The following LCA5L variants were observed in gnomAD, a reference collection of about 807,000 sequenced individuals.
LCA5L encodes the protein lebercilin-like protein.
In LCA5L, 35 loss-of-function variants were observed where a neutral mutation model predicts 45.4. The observed-to-expected ratio is 0.77, with a 90% confidence interval of 0.59 to 1.02. The LOEUF (loss-of-function observed/expected upper bound fraction) is 1.02. Ranked by LOEUF, LCA5L falls within the 50% of genes least tolerant of loss-of-function variation. LCA5L has a pLI of 0.00. For synonymous variants in LCA5L, 233 were observed against 264.7 expected, an observed-to-expected ratio of 0.88 and a Z score of 1.16; for missense variants, 668 against 761.6, an observed-to-expected ratio of 0.88 and a Z score of 1.45.
intron 3 of LCA5L, among the ~76,000 whole-genome samples, chr21:39,433,364 G>T (rs966510112): frequency 6.1e-5 from 9 of 146,754 alleles, no homozygotes; most frequent in Non-Finnish European, 1.0e-4. Flanking sequence ...GTTGCAGTGA[G>T]CTGAGATTGC....
At chr21:39,415,831 T>C (rs1344154563) in intron 7 of LCA5L, among the ~76,000 whole-genome samples, 1 of 152,210 alleles carries the variant, frequency 6.6e-6, no homozygotes, top group Admixed American at 6.5e-5. Context: ...TTTCCCACAG[T>C]CTCATGCTGC....
chr21:39,423,036 T>A lies in LCA5L; in HGVS notation c.777A>T (p.Glu259Asp). The change falls in exon 6 of 11, where the codon GAA becomes GAT. Residue 259 changes from glutamate to aspartate, a missense_variant. Transcript: ENST00000288350. ...TGATAATAGATAATTTATGAGTGAG[T>A]TCTTCCCTTTCTGCAAGGTTTTTGT... Reference protein sequence around the residue: ...SEDKNLAEREELTHKLSIITT... With the variant: ...SEDKNLAEREDLTHKLSIITT... 6.2e-7 allele frequency: 1 copy of A among 1,614,138 alleles called. No individual in the cohort carries two copies. Among genetic ancestry groups the A allele is most frequent in the Non-Finnish European group, 8.5e-7 (1 of 1,179,994 alleles).
In LCA5L at chr21:39,423,175, A is replaced by G. The variant is rs2074049534; in HGVS notation, c.638T>C (p.Leu213Pro). 1.9e-6 allele frequency: 3 copies of G among 1,613,104 alleles called. No homozygotes were observed. Among genetic ancestry groups the G allele is most frequent in the Non-Finnish European group, 2.5e-6 (3 of 1,179,698 alleles). Reference sequence around the variant, plus strand: ...TTCCTTTTCCTGGGATTTCCTAAGTAGTTGCCTTAAATTTTTTACTTCATT... The same window carrying G: ...TTCCTTTTCCTGGGATTTCCTAAGTGGTTGCCTTAAATTTTTTACTTCATT... ...HQNEVKNLRQ[L>P]LRKSQEKERT... Residue 213 changes from leucine to proline, a missense_variant, in exon 6 of 11, where the codon CTA (leucine) becomes CCA (proline). Leu to Pro is a moderately conservative substitution (Grantham distance 98). Coordinates refer to ENST00000288350, the MANE Select transcript of LCA5L (RefSeq NM_152505.4).
In LCA5L at chr21:39,405,740, CAA is replaced by C. The variant is rs1222019513; in HGVS notation, c.*140_*141del. 16 of 566,548 alleles carry C rather than the reference CAA, an allele frequency of 2.8e-5. No individual in the cohort carries two copies. The highest frequency in any genetic ancestry group is 7.4e-5 in the Admixed American group (2 of 26,988). The allele number at this position is 566,548 out of a possible 1,614,324, so 35.1% of individuals were successfully genotyped here. A position where few individuals can be genotyped will look rare whatever the true frequency, so the allele number is the denominator to read the frequency against. ...ATTTTTTACTAGATTAGCAATCAAA[CAA>C]AAATTTAATTATCGAAAGTCAATTA... On this transcript the variant is annotated 3_prime_UTR_variant, in exon 11 of 11. Transcript: ENST00000288350.
intron 3 of LCA5L, among the ~76,000 whole-genome samples, chr21:39,433,286 C>T (rs1045908124): frequency 3.3e-5 from 5 of 151,864 alleles, no homozygotes; most frequent in Admixed American, 6.6e-5. Context: ...GGCGTGGTGG[C>T]GGGCGCCTAT....
chr21:39,426,466 AC>A (rs1403293649), intron 5 of LCA5L, among the ~76,000 whole-genome samples: 2 of 152,136 alleles, frequency 1.3e-5, no homozygotes, highest in African/African-American at 4.8e-5. Flanking sequence ...CTTATTGTAA[AC>A]CCTTGGAACC....
intron 6 of LCA5L, chr21:39,421,560 T>C (rs1216870963): frequency 5.9e-5 from 9 of 152,210 alleles, no homozygotes; most frequent in African/African-American, 1.9e-4. Context: ...TCCATAAATA[T>C]ATTCATCTGC....
chr21:39,405,868 G>A lies in LCA5L; in HGVS notation c.*14C>T, dbSNP rs202032441. On this transcript the variant is annotated 3_prime_UTR_variant, in exon 11 of 11. Coordinates refer to ENST00000288350, the MANE Select transcript of LCA5L (RefSeq NM_152505.4). Reference sequence around the variant, plus strand: ...ATTATATCAAACCAGAATGCATTAGGATATTGATTATATTTAAATAATTAT... The same window carrying A: ...ATTATATCAAACCAGAATGCATTAGAATATTGATTATATTTAAATAATTAT... The A allele has an allele frequency of 4.6e-4, 701 of 1,528,886 alleles. 7 individuals are homozygous for A. In the African/African-American group the frequency reaches 8.8e-3, roughly 19 times the overall value. 94.7% of individuals were successfully genotyped at this position (1,528,886 alleles called of 1,614,324 possible).
Position 39,422,974 on chromosome 21 carries a change from A to G in LCA5L, c.837+2T>C. 1 of 1,612,354 alleles carries G rather than the reference A, an allele frequency of 6.2e-7. No individual in the cohort carries two copies. The highest frequency in any genetic ancestry group is 1.1e-5 in the South Asian group (1 of 90,798). ...AACTGTCTGGGCCCCTGAAATACAG[A>G]CCTGTATTTTTTTGTCATTTGCGTC... On this transcript the variant is annotated splice_donor_variant, in intron 6 of 10. Transcript: ENST00000288350. LOFTEE classifies it high-confidence loss of function.
rs148852337 is a variant in LCA5L at position 39,434,438 on chromosome 21, T to C, written c.-92+982A>G. 4.2e-3 allele frequency among the ~76,000 whole-genome samples: 634 copies of C among 152,356 alleles called. 6 individuals carry two copies. Among genetic ancestry groups the C allele is most frequent in the African/African-American group, 0.015 (615 of 41,574 alleles). On this transcript the variant is annotated intron_variant, in intron 3 of 10. Coordinates refer to ENST00000288350, the MANE Select transcript of LCA5L (RefSeq NM_152505.4). ...CATACACTACACTTCTCTATTGTTA[T>C]CAATAAAAAGTGTAGTTTCCACATA... is the stretch of plus-strand genomic sequence containing the variant.
At position 39,406,448 on chromosome 21, in the gene LCA5L, T is replaced by A. The variant is rs1171550937; in HGVS notation, c.1447A>T (p.Asn483Tyr). Residue 483 changes from asparagine to tyrosine, a missense_variant, in exon 11 of 11, where the codon AAT becomes TAT. Coordinates refer to ENST00000288350, the MANE Select transcript of LCA5L (RefSeq NM_152505.4). Reference sequence around the variant, plus strand: ...TCTCTTACTAGAACATCTTCTTGATTGCTTTCTCTTTCAGGATGAATAACT... The same window carrying A: ...TCTCTTACTAGAACATCTTCTTGATAGCTTTCTCTTTCAGGATGAATAACT... ...IEVIHPERES[N>Y]QEDVLVREKF... 6.2e-7 allele frequency: 1 copy of A among 1,613,966 alleles called. No individual in the cohort carries two copies. Among genetic ancestry groups the A allele is most frequent in the African/African-American group, 1.3e-5 (1 of 74,944 alleles).
chr21:39,445,228 C>T (rs1225847264), intron 1 of LCA5L, among the ~76,000 whole-genome samples: 2 of 152,014 alleles, frequency 1.3e-5, no homozygotes, highest in Non-Finnish European at 2.9e-5. Context: ...ACAGAGAAGA[C>T]ATTTCAAAAG....
chr21:39,439,937 G>C (rs2076651091), intron 2 of LCA5L, among the ~76,000 whole-genome samples: 1 of 152,126 alleles, frequency 6.6e-6, no homozygotes, highest in Non-Finnish European at 1.5e-5. Flanking sequence ...AAAGAGGGAA[G>C]GCTGGAAAGA....
chr21:39,435,935 G>A (rs2076244436), intron 2 of LCA5L, among the ~76,000 whole-genome samples: 1 of 152,178 alleles, frequency 6.6e-6, no homozygotes, highest in African/African-American at 2.4e-5. Context: ...ACTGCACCTG[G>A]CCACAGGCGG....
rs963824497 is a variant in LCA5L, at chr21:39,418,448, C to G, written c.975+2258G>C. On this transcript the variant is annotated intron_variant, in intron 7 of 10. Coordinates refer to ENST00000288350, the MANE Select transcript of LCA5L (RefSeq NM_152505.4). Reference sequence around the variant, plus strand: ...TAGAATTTTCTATCTTTTCATTAAGCATTTCATTAAGTATTAAGCATTTCT... The same window carrying G: ...TAGAATTTTCTATCTTTTCATTAAGGATTTCATTAAGTATTAAGCATTTCT... 2.0e-5 allele frequency among the ~76,000 whole-genome samples: 3 copies of G among 152,006 alleles called. No homozygotes were observed. In the South Asian group the frequency reaches 6.2e-4, roughly 32 times the overall value.
In LCA5L at chr21:39,419,535, AG is replaced by A. The variant is rs58509090; in HGVS notation, c.975+1170del. ...GCAAGACCCTGTTCAAAAAAAAAAA[AG>A]AAAAAAGAAAAAAGAAAGAAAGGGA... is the stretch of plus-strand genomic sequence containing the variant. On this transcript the variant is annotated intron_variant, in intron 7 of 10. Transcript: ENST00000288350. Among the ~76,000 whole-genome samples, 389 of 135,040 alleles carry A rather than the reference AG, an allele frequency of 2.9e-3. 8 individuals carry two copies. Among genetic ancestry groups the A allele is most frequent in the African/African-American group, 0.012 (315 of 26,880 alleles). The allele number at this position is 135,040 out of a possible 152,430, so 88.6% of individuals were successfully genotyped here.
At chr21:39,441,010 C>G (rs532056136) in intron 2 of LCA5L, among the ~76,000 whole-genome samples, 9 of 152,264 alleles carry the variant, frequency 5.9e-5, no homozygotes, top group African/African-American at 1.9e-4. Flanking sequence ...TTGCGAGTCA[C>G]TCTAAACATT....
At chr21:39,424,045 C>T (rs1386646149) in intron 5 of LCA5L, among the ~76,000 whole-genome samples, 1 of 152,058 alleles carries the variant, frequency 6.6e-6, no homozygotes, top group African/African-American at 2.4e-5. Context: ...TGGAGTCTCC[C>T]TCCATTGCCC....
chr21:39,445,115 A>G (rs2077320856), intron 1 of LCA5L, among the ~76,000 whole-genome samples: 1 of 151,870 alleles, frequency 6.6e-6, no homozygotes, highest in Non-Finnish European at 1.5e-5. Context: ...GGTCTCTGAA[A>G]AAAGTTAACC....
Sources: allele counts gnomAD v4.1 joint callset (sites outside exome capture counted in the v4.1 genomes callset), GRCh38; gene constraint gnomAD v4.1.1; transcripts MANE v1.5; gene names NCBI Gene and HGNC (gene_info 2026-07-23, HGNC 2026-07-21).